The following MTUS2 variants were observed in gnomAD, a reference collection of about 807,000 sequenced individuals.
MTUS2 encodes the protein microtubule associated scaffold protein 2, also known as microtubule-associated tumor suppressor candidate 2.
Under a neutral mutation model 114.1 loss-of-function variants are expected in MTUS2, and 40 were observed. The observed-to-expected ratio is 0.35, with a 90% CI of 0.27 to 0.46. MTUS2 has a LOEUF of 0.46. Among genes scored for constraint, MTUS2 ranks in the 20% least tolerant of loss-of-function variants. The pLI is 1.00. For missense variants in MTUS2, 1,679 were observed against 1,705.4 expected (o/e 0.98, Z 0.27); for synonymous variants, 688 against 672.0 (o/e 1.02, Z -0.37).
intron 5 of MTUS2, among the ~76,000 whole-genome samples, chr13:29,145,908 C>G (rs1892414905): frequency 6.6e-6 from 1 of 152,184 alleles, no homozygotes; most frequent in Non-Finnish European, 1.5e-5. Flanking sequence ...AACACACCTT[C>G]AAATGGTAAA....
chr13:29,081,029 A>G (rs542161627), intron 4 of MTUS2, among the ~76,000 whole-genome samples: 7 of 152,272 alleles, frequency 4.6e-5, no homozygotes, highest in Non-Finnish European at 8.8e-5. Flanking sequence ...CTGGCCCCAG[A>G]TGTTAATCTC....
intron 2 of MTUS2, among the ~76,000 whole-genome samples, chr13:28,873,777 A>T (rs547895851): frequency 3.3e-4 from 50 of 152,356 alleles, no homozygotes; most frequent in Non-Finnish European, 6.0e-4. Flanking sequence ...TGAAGAAGCC[A>T]GAGTGGACAT....
At chr13:28,943,368 C>T (rs1257521223) in intron 2 of MTUS2, among the ~76,000 whole-genome samples, 1 of 152,156 alleles carries the variant, frequency 6.6e-6, no homozygotes, top group African/African-American at 2.4e-5. Context: ...TGAACCCCAT[C>T]AGGATTACTG....
intron 10 of MTUS2, among the ~76,000 whole-genome samples, chr13:29,481,249 C>T (rs1030175252): frequency 2.6e-5 from 4 of 152,174 alleles, no homozygotes; most frequent in African/African-American, 9.7e-5. Flanking sequence ...TCCCAGGGAG[C>T]TTGTCAGTAT....
chr13:29,013,497 C>T (rs1041047610), intron 2 of MTUS2, among the ~76,000 whole-genome samples: 2 of 152,148 alleles, frequency 1.3e-5, no homozygotes, highest in Non-Finnish European at 2.9e-5. Flanking sequence ...CAATCCCATG[C>T]TTTATTTTAG....
intron 6 of MTUS2, among the ~76,000 whole-genome samples, chr13:29,286,642 C>T (rs1180892187): frequency 1.3e-5 from 2 of 150,246 alleles, no homozygotes; most frequent in African/African-American, 2.5e-5. Context: ...AAGCCATGCA[C>T]TATCTATCTG....
intron 2 of MTUS2, among the ~76,000 whole-genome samples, chr13:28,892,546 A>G (rs961594508): frequency 7.2e-5 from 11 of 152,078 alleles, no homozygotes; most frequent in Admixed American, 2.6e-4. Flanking sequence ...AATTTGTGCT[A>G]TTTTGCTTTT....
At chr13:29,348,012 T>C (rs2138160144) in intron 7 of MTUS2, among the ~76,000 whole-genome samples, 1 of 136,512 alleles carries the variant, frequency 7.3e-6, no homozygotes, top group South Asian at 2.9e-4. Flanking sequence ...ACCCTATTGA[T>C]ACCTGGATGC....
intron 2 of MTUS2, among the ~76,000 whole-genome samples, chr13:28,870,588 T>C (rs536313159): frequency 7.9e-5 from 12 of 152,318 alleles, no homozygotes; most frequent in African/African-American, 2.9e-4. Flanking sequence ...TTTTGTTTGA[T>C]TAAATTTGCA....
chr13:28,964,761 G>T (rs1467594708), intron 2 of MTUS2, among the ~76,000 whole-genome samples: 1 of 64,884 alleles, frequency 1.5e-5, no homozygotes, highest in Non-Finnish European at 3.7e-5. Flanking sequence ...TTTAATGCCT[G>T]GGTCTTGGGT....
chr13:29,008,140 A>G (rs892611135), intron 2 of MTUS2, among the ~76,000 whole-genome samples: 2 of 151,866 alleles, frequency 1.3e-5, no homozygotes, highest in African/African-American at 4.8e-5. Flanking sequence ...TTTTGTTGTG[A>G]TGTTCGCCCC....
intron 2 of MTUS2, among the ~76,000 whole-genome samples, chr13:28,874,141 C>G (rs1206142889): frequency 6.6e-6 from 1 of 152,086 alleles, no homozygotes; most frequent in African/African-American, 2.4e-5. Flanking sequence ...CCTCAGCCTC[C>G]CAAGTAGCTG....
intron 1 of MTUS2, among the ~76,000 whole-genome samples, chr13:28,839,003 T>TA (rs1875285126): frequency 8.4e-6 from 1 of 119,266 alleles, no homozygotes; most frequent in Non-Finnish European, 1.8e-5. Flanking sequence ...TCAATCCTGA[T>TA]TTTTTTTTTT....
intron 12 of MTUS2, 129 bp from the exon 13 acceptor site, chr13:29,497,109 T>G (rs1195858147): frequency 2.6e-6 from 2 of 778,416 alleles, no homozygotes; most frequent in Non-Finnish European, 4.2e-6. Context: ...CACCTCTTTC[T>G]TCAGCCCCAA....
chr13:29,171,129 TGAGA>T (rs201524689), intron 5 of MTUS2, among the ~76,000 whole-genome samples: 1 of 120,602 alleles, frequency 8.3e-6, no homozygotes, highest in Non-Finnish European at 1.8e-5. Flanking sequence ...GGTGAGTGAG[TGAGA>T]GAGAGAGAGT....
At position 29,347,782 on chromosome 13, in the gene MTUS2, T is replaced by C. The variant is rs369746043; in HGVS notation, c.2906-11480T>C. ...ATGTGACCCACACGTCTGTCTGACT[T>C]GGCTACAAATTGGAGGTTCTCACAA... is the stretch of plus-strand genomic sequence containing the variant. On this transcript the variant is annotated intron_variant, in intron 7 of 15. Transcript: ENST00000612955. Among the ~76,000 whole-genome samples, 5 of 152,320 alleles carry C rather than the reference T, an allele frequency of 3.3e-5. No individual in the cohort carries two copies. The East Asian group carries it at 9.6e-4, about 29-fold the overall frequency.
At chr13:29,174,605 G>T (rs1566047393) in intron 5 of MTUS2, among the ~76,000 whole-genome samples, 1 of 152,134 alleles carries the variant, frequency 6.6e-6, no homozygotes, top group Admixed American at 6.5e-5. Context: ...CCCTCAATTT[G>T]CCTAATAAGT....
chr13:29,026,661 C>T lies in MTUS2; in HGVS notation c.1963C>T (p.Leu655=), dbSNP rs1458501063. ...CTACATCAGGAGGAATCCCCAGGCC[C>T]TGGGCCAGGTGGACGCCTCGCTGGT... is the stretch of plus-strand genomic sequence containing the variant. ...ITYIRRNPQA[L]GQVDASLVPV... Residue 655 remains leucine (L), a synonymous_variant, in exon 3 of 16, where the codon CTG becomes TTG. Coordinates refer to ENST00000612955, the MANE Select transcript of MTUS2 (RefSeq NM_001033602.4). 5.6e-6 allele frequency: 9 copies of T among 1,614,002 alleles called. No individual in the cohort carries two copies. The East Asian group carries it at 2.0e-4, about 36-fold the overall frequency.
chr13:28,844,869 G>T (rs1004513721), intron 2 of MTUS2, among the ~76,000 whole-genome samples: 4 of 152,142 alleles, frequency 2.6e-5, no homozygotes, highest in Non-Finnish European at 5.9e-5. Flanking sequence ...TGTCTGCCTT[G>T]GCTCCCCAGA....
Sources: gnomAD v4.1 joint callset for allele counts (sites outside exome capture counted in the v4.1 genomes callset) on GRCh38, gnomAD v4.1.1 for gene constraint, MANE v1.5 for transcripts, NCBI Gene and HGNC (gene_info 2026-07-23, HGNC 2026-07-21) for gene names.